The following ERC2 variants were observed in gnomAD, a reference collection of about 807,000 sequenced individuals.
ERC2 encodes ERC protein 2.
In ERC2, 42 loss-of-function variants were observed where a neutral mutation model predicts 114.8. The ratio of observed to expected loss-of-function variants is 0.37; its 90% confidence interval spans 0.29 to 0.47. ERC2 has a LOEUF of 0.47. ERC2 is among the 20% of genes least tolerant of loss of function. The probability of loss-of-function intolerance (pLI) is 0.99; values close to 1 mark genes in which losing one functional copy is unlikely to be tolerated. For missense variants in ERC2, 939 were observed against 1,150.7 expected (o/e 0.82, Z 2.66); for synonymous variants, 454 against 425.5 (o/e 1.07, Z -0.82).
chr3:56,366,613 G>A (rs571993800), intron 2 of ERC2, among the ~76,000 whole-genome samples: 1 of 152,250 alleles, frequency 6.6e-6, no homozygotes, highest in South Asian at 2.1e-4. Context: ...TTTTGTTATT[G>A]GCTCCCATTT....
intron 17 of ERC2, among the ~76,000 whole-genome samples, chr3:55,619,106 C>T (rs1378443569): frequency 3.3e-5 from 5 of 152,166 alleles, no homozygotes; most frequent in African/African-American, 1.2e-4. Context: ...CGAGGACTCC[C>T]CTATTAAGCT....
chr3:55,886,251 C>T (rs2063342390), intron 14 of ERC2, among the ~76,000 whole-genome samples: 1 of 152,072 alleles, frequency 6.6e-6, no homozygotes, highest in Non-Finnish European at 1.5e-5. Context: ...TTCTATACTA[C>T]ATTTATTATG....
chr3:56,320,682 A>C (rs2057088496), intron 2 of ERC2, among the ~76,000 whole-genome samples: 1 of 152,212 alleles, frequency 6.6e-6, no homozygotes, highest in Non-Finnish European at 1.5e-5. Flanking sequence ...ATAAATCTAG[A>C]AGGAAGGATT....
intron 3 of ERC2, 130 bp from the exon 4 acceptor site, chr3:56,173,650 C>A: frequency 1.4e-6 from 1 of 726,586 alleles, no homozygotes; most frequent in South Asian, 1.9e-5. Flanking sequence ...CCACAGGTGT[C>A]TCTTCCCCCA....
At chr3:55,865,993 T>C (rs1480170276) in intron 14 of ERC2, among the ~76,000 whole-genome samples, 1 of 152,170 alleles carries the variant, frequency 6.6e-6, no homozygotes, top group Non-Finnish European at 1.5e-5. Flanking sequence ...TGCTGTGTCA[T>C]ATGGTAACTT....
At chr3:55,540,513 G>T (rs942692034) in intron 17 of ERC2, among the ~76,000 whole-genome samples, 2 of 152,212 alleles carry the variant, frequency 1.3e-5, no homozygotes, top group Admixed American at 1.3e-4. Flanking sequence ...TCATTTGGGA[G>T]AAGAAAATCC....
chr3:56,449,628 A>G (rs1049388907), intron 1 of ERC2, among the ~76,000 whole-genome samples: 2 of 152,228 alleles, frequency 1.3e-5, no homozygotes, highest in African/African-American at 2.4e-5. Context: ...ATTTGGCTGG[A>G]GTCATATTTC....
intron 14 of ERC2, among the ~76,000 whole-genome samples, chr3:55,874,050 G>A (rs932054072): frequency 2.0e-5 from 3 of 152,222 alleles, no homozygotes; most frequent in East Asian, 3.8e-4. Flanking sequence ...GAGAAGGAGC[G>A]CTTAGCTTGC....
At chr3:55,712,289 A>G (rs1694040080) in intron 15 of ERC2, among the ~76,000 whole-genome samples, 1 of 152,224 alleles carries the variant, frequency 6.6e-6, no homozygotes, top group African/African-American at 2.4e-5. Context: ...CAGGCCATGC[A>G]GGGAAGGGAA....
At chr3:56,231,693 G>A (rs180998343) in intron 3 of ERC2, among the ~76,000 whole-genome samples, 1 of 152,158 alleles carries the variant, frequency 6.6e-6, no homozygotes, top group African/African-American at 2.4e-5. Flanking sequence ...GAGCCATAGA[G>A]AACCAGGTCA....
rs772468473 is a variant in ERC2, at chr3:56,381,456, CA to C, written c.657+52894del. On this transcript the variant is annotated intron_variant, in intron 2 of 17. Transcript: ENST00000288221. The stretch of plus-strand genomic sequence containing the variant: ...TTGCATCCTGTGAATACTGTATTCT[CA>C]ATCTGCATTCAGCTGAAAAAAAAAT... Among the ~76,000 whole-genome samples, 4 of 151,870 alleles carry C rather than the reference CA, an allele frequency of 2.6e-5. 1 individual carries two copies. Among genetic ancestry groups the C allele is most frequent in the Non-Finnish European group, 4.4e-5 (3 of 67,962 alleles).
chr3:55,929,143 A>G (rs560567921), intron 13 of ERC2, among the ~76,000 whole-genome samples: 7 of 152,188 alleles, frequency 4.6e-5, no homozygotes, highest in South Asian at 2.1e-4. Flanking sequence ...CAATTTTTCT[A>G]TCTACTGATT....
chr3:55,579,301 C>T (rs1157648379), intron 17 of ERC2, among the ~76,000 whole-genome samples: 2 of 152,016 alleles, frequency 1.3e-5, no homozygotes, highest in Non-Finnish European at 2.9e-5. Flanking sequence ...AATTCACAAT[C>T]TACATTTGGT....
chr3:56,235,858 T>C (rs2050908800), intron 3 of ERC2, among the ~76,000 whole-genome samples: 1 of 152,238 alleles, frequency 6.6e-6, no homozygotes, highest in African/African-American at 2.4e-5. Flanking sequence ...AGCACTTCCA[T>C]CATCACAGAA....
At chr3:55,963,552 C>T (rs967301580) in intron 12 of ERC2, among the ~76,000 whole-genome samples, 2 of 152,176 alleles carry the variant, frequency 1.3e-5, no homozygotes, top group Admixed American at 1.3e-4. Flanking sequence ...AAAACTCCTG[C>T]CCTCTTCCCA....
intron 14 of ERC2, among the ~76,000 whole-genome samples, chr3:55,834,353 G>C (rs1459099286): frequency 1.3e-5 from 2 of 152,012 alleles, no homozygotes; most frequent in Admixed American, 6.5e-5. Flanking sequence ...TGACCACACA[G>C]TTGGAAGTAA....
chr3:55,539,635 G>C (rs1038472193), intron 17 of ERC2, among the ~76,000 whole-genome samples: 1 of 151,240 alleles, frequency 6.6e-6, no homozygotes, highest in East Asian at 1.9e-4. Flanking sequence ...CACCATGTTA[G>C]CCAGGATGGT....
rs536512779 is a variant in ERC2 at position 56,430,808 on chromosome 3, TAATA to T, written c.657+3539_657+3542del. Among the ~76,000 whole-genome samples the T allele has an allele frequency of 2.6e-5, 4 of 152,154 alleles. No homozygotes were observed. In the South Asian group the frequency reaches 8.3e-4, roughly 32 times the overall value. On this transcript the variant is annotated intron_variant, in intron 2 of 17. Transcript: ENST00000288221. ...TGTCTCAAAATAATAACAATAATGA[TAATA>T]AATCACATTCTTAATCATCTTATCA...
At chr3:56,318,961 C>CAA (rs35256298) in intron 2 of ERC2, among the ~76,000 whole-genome samples, 5,427 of 81,334 alleles carry the variant, frequency 0.067, 201 homozygotes, top group African/African-American at 0.14. Flanking sequence ...GACCCTGTCT[C>CAA]AAAAAAAAAA....
Sources: allele counts gnomAD v4.1 joint callset (sites outside exome capture counted in the v4.1 genomes callset), GRCh38; gene constraint gnomAD v4.1.1; transcripts MANE v1.5; gene names NCBI Gene and HGNC (gene_info 2026-07-23, HGNC 2026-07-21).